XIRP2: variants seen among roughly 807,000 people sequenced by gnomAD.
The protein encoded by XIRP2 is xin actin binding repeat containing 2, also known as xin actin-binding repeat-containing protein 2.
A neutral mutation model predicts 277.0 loss-of-function variants in XIRP2; 236 were observed. The observed-to-expected ratio is 0.85, with a 90% CI of 0.77 to 0.95. The LOEUF (loss-of-function observed/expected upper bound fraction) is 0.95, where lower values mean the gene tolerates loss of function less well. Ranked by LOEUF, XIRP2 falls within the 40% of genes least tolerant of loss-of-function variation. XIRP2 has a pLI of 0.00. For synonymous variants in XIRP2, 1,490 were observed against 1,416.5 expected (o/e 1.05, Z -1.17); for missense variants, 4,640 against 4,157.5 (o/e 1.12, Z -3.19).
Position 166,969,215 on chromosome 2 carries a change from A to G in XIRP2, c.408+65325A>G, listed in dbSNP as rs528452100. Among the ~76,000 whole-genome samples the G allele has an allele frequency of 2.3e-4, 35 of 152,150 alleles. 2 individuals carry two copies. In the South Asian group the frequency reaches 7.0e-3, roughly 31 times the overall value. The stretch of plus-strand genomic sequence containing the variant: ...GAAGAGAACTAATGAAGTCTATGCC[A>G]ACTTCCAAAACAGTCACAGTGGTAA... On this transcript the variant is annotated intron_variant, in intron 2 of 10. Coordinates refer to ENST00000409195, the MANE Select transcript of XIRP2 (RefSeq NM_152381.6).
intron 2 of XIRP2, among the ~76,000 whole-genome samples, chr2:167,024,020 G>T (rs938829684): frequency 6.6e-5 from 10 of 152,024 alleles, no homozygotes; most frequent in African/African-American, 1.9e-4. Flanking sequence ...GATGGGGATG[G>T]CATTGAATCT....
At chr2:166,931,265 C>T (rs1685329352) in intron 2 of XIRP2, among the ~76,000 whole-genome samples, 1 of 152,078 alleles carries the variant, frequency 6.6e-6, no homozygotes, top group Non-Finnish European at 1.5e-5. Flanking sequence ...TTCAGATGTG[C>T]CTCTTATTTT....
At chr2:167,169,383 T>C (rs1025798507) in intron 3 of XIRP2, among the ~76,000 whole-genome samples, 2 of 152,232 alleles carry the variant, frequency 1.3e-5, no homozygotes, top group Admixed American at 1.3e-4. Flanking sequence ...TAGTCCACAC[T>C]GGACCTCCAA....
chr2:167,091,085 C>T (rs1345154771), intron 2 of XIRP2, among the ~76,000 whole-genome samples: 2 of 152,080 alleles, frequency 1.3e-5, no homozygotes, highest in African/African-American at 2.4e-5. Context: ...GAGAAGTTAA[C>T]TGTCAGTCTT....
intron 9 of XIRP2, among the ~76,000 whole-genome samples, chr2:167,253,313 G>A (rs982076686): frequency 1.3e-5 from 2 of 151,806 alleles, no homozygotes; most frequent in Non-Finnish European, 2.9e-5. Context: ...GTGAGCATAG[G>A]TGCTTTAGAG....
At chr2:166,986,591 T>G (rs1026972320) in intron 2 of XIRP2, among the ~76,000 whole-genome samples, 6 of 152,230 alleles carry the variant, frequency 3.9e-5, no homozygotes, top group African/African-American at 1.4e-4. Context: ...TTGAGATGTT[T>G]GTGTCACCAA....
At chr2:167,099,588 C>T (rs1690432221) in intron 2 of XIRP2, among the ~76,000 whole-genome samples, 1 of 152,104 alleles carries the variant, frequency 6.6e-6, no homozygotes, top group African/African-American at 2.4e-5. Flanking sequence ...TCGGTGTCTG[C>T]CCAAACAGCT....
At chr2:167,132,441 G>C (rs1225995750) in intron 2 of XIRP2, among the ~76,000 whole-genome samples, 1 of 151,866 alleles carries the variant, frequency 6.6e-6, no homozygotes, top group Non-Finnish European at 1.5e-5. Context: ...ACAAGATTTA[G>C]AAATCCTGTT....
At chr2:167,014,981 C>T (rs1487435108) in intron 2 of XIRP2, among the ~76,000 whole-genome samples, 1 of 151,688 alleles carries the variant, frequency 6.6e-6, no homozygotes, top group African/African-American at 2.4e-5. Flanking sequence ...ATGCAATCAA[C>T]CATAATTTTA....
Position 167,247,793 on chromosome 2 carries a change from A to G in XIRP2, c.6401A>G (p.Gln2134Arg). 6.2e-7 allele frequency: 1 copy of G among 1,613,350 alleles called. No individual in the cohort carries two copies. The highest frequency in any genetic ancestry group is 8.5e-7 in the Non-Finnish European group (1 of 1,179,658). Residue 2134 changes from glutamine to arginine, a missense_variant, in exon 9 of 11, where the codon CAG becomes CGG. Gln to Arg is a conservative substitution (Grantham distance 43, BLOSUM62 1). Coordinates refer to ENST00000409195, the MANE Select transcript of XIRP2 (RefSeq NM_152381.6). ...ACATATGAACTGAGAAATGACCACC[A>G]GAAAATGGAGGGTTTTCATATAAAG... Reference protein sequence around the residue: ...QQTYELRNDHQKMEGFHIKSP... With the variant: ...QQTYELRNDHRKMEGFHIKSP...
chr2:167,203,430 A>G (rs754295919), intron 3 of XIRP2, among the ~76,000 whole-genome samples: 2 of 152,330 alleles, frequency 1.3e-5, no homozygotes, highest in Middle Eastern at 3.4e-3. Flanking sequence ...TTGGGAAGGT[A>G]ACAAGTACAC....
intron 2 of XIRP2, among the ~76,000 whole-genome samples, chr2:167,099,580 G>A (rs756983029): frequency 2.0e-5 from 3 of 152,054 alleles, no homozygotes; most frequent in South Asian, 2.1e-4. Context: ...CAGCTAGCTC[G>A]GTGTCTGCCC....
At chr2:167,119,969 A>G (rs1010571086) in intron 2 of XIRP2, among the ~76,000 whole-genome samples, 2 of 152,122 alleles carry the variant, frequency 1.3e-5, no homozygotes, top group African/African-American at 2.4e-5. Flanking sequence ...CTGTGCTACT[A>G]TATTAAAAAT....
Position 167,247,760 on chromosome 2 carries a change from A to G in XIRP2, c.6368A>G (p.Lys2123Arg), listed in dbSNP as rs750150430. Residue 2123 changes from lysine to arginine, a missense_variant, in exon 9 of 11, where the codon AAG becomes AGG. Physicochemically the swap from Lys to Arg is conservative, Grantham distance 26 (BLOSUM62 2). Transcript: ENST00000409195. ...CAATCTGCTGGTAAAACCGTTGGAA[A>G]GCAACAGACATATGAACTGAGAAAT... ...SIQSAGKTVG[K>R]QQTYELRNDH... 1.2e-6 allele frequency: 2 copies of G among 1,613,580 alleles called. No individual in the cohort carries two copies. Among genetic ancestry groups the G allele is most frequent in the Non-Finnish European group, 1.7e-6 (2 of 1,179,704 alleles).
chr2:167,112,615 C>A (rs57612792), intron 2 of XIRP2, among the ~76,000 whole-genome samples: 30,809 of 147,784 alleles, frequency 0.21, 5,164 homozygotes, highest in African/African-American at 0.47. Flanking sequence ...AAATCTCTCT[C>A]TCTATATATT....
At chr2:167,225,339 A>C (rs910588422) in intron 5 of XIRP2, among the ~76,000 whole-genome samples, 2 of 152,298 alleles carry the variant, frequency 1.3e-5, no homozygotes, top group East Asian at 3.9e-4. Flanking sequence ...CAATGCTTAC[A>C]AGTGTGAGTG....
At position 167,223,911 on chromosome 2, in the gene XIRP2, CCT is replaced by C. The variant is rs376082855; in HGVS notation, c.858+5612_858+5613del. ...AGTCAGAGAGACTGTGTTATAATCCCCTGAGTTACCCATCTATTTTAATCCAC... is the reference window on the plus strand; with the variant it reads ...AGTCAGAGAGACTGTGTTATAATCCCGAGTTACCCATCTATTTTAATCCAC... On this transcript the variant is annotated intron_variant, in intron 5 of 10. Coordinates refer to ENST00000409195, the MANE Select transcript of XIRP2 (RefSeq NM_152381.6). Among the ~76,000 whole-genome samples the C allele has an allele frequency of 3.0e-4, 46 of 152,184 alleles. 1 individual carries two copies. The East Asian group carries it at 6.9e-3, about 23-fold the overall frequency.
At position 167,020,229 on chromosome 2, in the gene XIRP2, AT is replaced by A. The variant is rs143756194; in HGVS notation, c.409-115679del. 6.0e-3 allele frequency among the ~76,000 whole-genome samples: 918 copies of A among 152,162 alleles called. 9 individuals are homozygous for A. Among genetic ancestry groups the A allele is most frequent in the African/African-American group, 0.021 (863 of 41,568 alleles). ...AAATAATACTAAAATCTTCACTTTTATCTCATCTATCGGGATCTTTCAGGCC... is the reference window on the plus strand; with the variant it reads ...AAATAATACTAAAATCTTCACTTTTACTCATCTATCGGGATCTTTCAGGCC... On this transcript the variant is annotated intron_variant, in intron 2 of 10. Transcript: ENST00000409195.
rs1252899134 is a variant in XIRP2 at position 167,242,929 on chromosome 2, T to A, written c.1537T>A (p.Leu513Ile). Residue 513 changes from leucine to isoleucine, a missense_variant, in exon 9 of 11, where the codon TTA becomes ATA. Physicochemically the swap from Leu to Ile is conservative, Grantham distance 5 (BLOSUM62 2). Coordinates refer to ENST00000409195, the MANE Select transcript of XIRP2 (RefSeq NM_152381.6). Reference protein sequence around the residue: ...KHIHPELRKNLEKDYISEVSE... With the variant: ...KHIHPELRKNIEKDYISEVSE... ...CATCCATCCTGAGTTAAGAAAAAAC[T>A]TAGAAAAAGATTATATCAGTGAAGT... is the stretch of plus-strand genomic sequence containing the variant. 5.0e-6 allele frequency: 8 copies of A among 1,613,310 alleles called. No homozygotes were observed. Among genetic ancestry groups the A allele is most frequent in the Non-Finnish European group, 6.8e-6 (8 of 1,179,854 alleles).
Sources: gnomAD v4.1 joint callset for allele counts (sites outside exome capture counted in the v4.1 genomes callset) on GRCh38, gnomAD v4.1.1 for gene constraint, MANE v1.5 for transcripts, NCBI Gene and HGNC (gene_info 2026-07-23, HGNC 2026-07-21) for gene names.